Variants in ANKFN1 observed in about 807,000 individuals in gnomAD.
The protein encoded by ANKFN1 is ankyrin repeat and fibronectin type III domain containing 1, also known as ankyrin repeat and fibronectin type-III domain-containing protein 1.
In ANKFN1, 74 loss-of-function variants were observed where a neutral mutation model predicts 108.7. The ratio of observed to expected loss-of-function variants is 0.68; its 90% CI spans 0.56 to 0.83. ANKFN1 has a LOEUF of 0.83. Among genes scored for constraint, ANKFN1 ranks in the 40% least tolerant of loss-of-function variants. ANKFN1 has a pLI of 0.00. For synonymous variants in ANKFN1, 547 were observed against 516.2 expected, an observed-to-expected ratio of 1.06 and a Z score of -0.81; for missense variants, 1,505 against 1,382.3, an observed-to-expected ratio of 1.09 and a Z score of -1.41.
chr17:56,069,541 T>G (rs1386321361), intron 4 of ANKFN1, among the ~76,000 whole-genome samples: 1 of 152,176 alleles, frequency 6.6e-6, no homozygotes, highest in Non-Finnish European at 1.5e-5. Flanking sequence ...GTTTGCTCCC[T>G]CTACTAGGTC....
rs762333264 is a variant in ANKFN1, at chr17:56,374,687, A to G, written c.883A>G (p.Asn295Asp). 9.3e-6 allele frequency: 15 copies of G among 1,613,734 alleles called. No individual in the cohort carries two copies. The Admixed American group carries it at 2.0e-4, about 22-fold the overall frequency. ...CAGCTTCCAAGAGCCTCTTAGCGTC[A>G]ATGCAGCTGTAGTAACCAGGTATAA... is the stretch of plus-strand genomic sequence containing the variant. ...TVSFQEPLSVNAAVVTRYKVE... is the reference protein window; with the variant it reads ...TVSFQEPLSVDAAVVTRYKVE... Residue 295 changes from asparagine (N) to aspartate (D), a missense_variant, in exon 8 of 21, where the codon AAT becomes GAT. Coordinates refer to ENST00000682825, the MANE Select transcript of ANKFN1 (RefSeq NM_001370326.1).
At chr17:56,130,217 C>T (rs1281232378) in intron 4 of ANKFN1, among the ~76,000 whole-genome samples, 1 of 152,210 alleles carries the variant, frequency 6.6e-6, no homozygotes, top group African/African-American at 2.4e-5. Context: ...TCGTGTCTTG[C>T]TCAGGAGGCA....
upstream of ANKFN1, among the ~76,000 whole-genome samples, chr17:56,149,999 T>C (rs1908500876): frequency 6.6e-6 from 1 of 152,242 alleles, no homozygotes; most frequent in Admixed American, 6.5e-5. Flanking sequence ...TTCTATCAGT[T>C]CACTGGATCA....
chr17:56,059,238 A>C (rs189276896), intron 4 of ANKFN1, among the ~76,000 whole-genome samples: 126 of 152,162 alleles, frequency 8.3e-4, no homozygotes, highest in African/African-American at 2.9e-3. Context: ...GTCTTCTTTG[A>C]GAAGTCTCTG....
chr17:56,226,922 C>T (rs16956919), intron 2 of ANKFN1, among the ~76,000 whole-genome samples: 2,598 of 152,176 alleles, frequency 0.017, 70 homozygotes, highest in African/African-American at 0.059. Flanking sequence ...TTCTATCAAT[C>T]TCAGAGCATT....
intron 18 of ANKFN1, among the ~76,000 whole-genome samples, chr17:56,483,360 G>A (rs2050770879): frequency 6.6e-6 from 1 of 152,182 alleles, no homozygotes; most frequent in Non-Finnish European, 1.5e-5. Flanking sequence ...GTGGGTGGGT[G>A]GAATGGAGGC....
chr17:56,463,027 C>A (rs1292062438), intron 14 of ANKFN1, among the ~76,000 whole-genome samples: 1 of 152,194 alleles, frequency 6.6e-6, no homozygotes, highest in Non-Finnish European at 1.5e-5. Flanking sequence ...CAGTGCATAT[C>A]AAGCACTGTG....
chr17:56,057,784 C>A (rs76934195), intron 4 of ANKFN1, among the ~76,000 whole-genome samples: 1 of 149,552 alleles, frequency 6.7e-6, no homozygotes, highest in South Asian at 2.1e-4. Context: ...AACTCTGTCT[C>A]AAAAAAAAAA....
At chr17:56,120,164 A>G (rs1483317388) in intron 4 of ANKFN1, among the ~76,000 whole-genome samples, 1 of 152,114 alleles carries the variant, frequency 6.6e-6, no homozygotes, top group African/African-American at 2.4e-5. Context: ...CATATTTTTA[A>G]TCATCTACTC....
At position 56,515,393 on chromosome 17, in the gene ANKFN1, C is replaced by T. The variant is rs1222560982; in HGVS notation, c.*4124C>T. ...TATTTTTCCAGATGATTTAATGAAG[C>T]AAACCTGGACTTTTTTCTTCAAGGT... On this transcript the variant is annotated 3_prime_UTR_variant, in exon 21 of 21. Coordinates refer to ENST00000682825, the MANE Select transcript of ANKFN1 (RefSeq NM_001370326.1). Among the ~76,000 whole-genome samples, 1 of 152,136 alleles carries T rather than the reference C, an allele frequency of 6.6e-6. No homozygotes were observed. Among genetic ancestry groups the T allele is most frequent in the Non-Finnish European group, 1.5e-5 (1 of 68,016 alleles).
At chr17:56,321,461 GAA>G (rs34327424) in intron 3 of ANKFN1, among the ~76,000 whole-genome samples, 20 of 99,052 alleles carry the variant, frequency 2.0e-4, no homozygotes, top group African/African-American at 6.0e-4. Flanking sequence ...CACTCCCTAA[GAA>G]AAAAAAAAAA....
intron 4 of ANKFN1, among the ~76,000 whole-genome samples, chr17:56,125,030 T>C (rs1906840437): frequency 6.6e-6 from 1 of 152,226 alleles, no homozygotes; most frequent in South Asian, 2.1e-4. Context: ...TTCCCATCTT[T>C]AAATGCATAA....
At chr17:56,194,279 T>C (rs182952880) in intron 1 of ANKFN1, among the ~76,000 whole-genome samples, 1 of 152,180 alleles carries the variant, frequency 6.6e-6, no homozygotes, top group African/African-American at 2.4e-5. Flanking sequence ...TCCTAAGGAG[T>C]TGGAAACTTA....
intron 4 of ANKFN1, among the ~76,000 whole-genome samples, chr17:56,122,687 G>A (rs1247425861): frequency 6.6e-6 from 1 of 152,120 alleles, no homozygotes; most frequent in East Asian, 1.9e-4. Context: ...AGGCCCTCTG[G>A]CCATCAGAAA....
chr17:56,245,174 T>C (rs1917867172), intron 3 of ANKFN1, among the ~76,000 whole-genome samples: 1 of 152,160 alleles, frequency 6.6e-6, no homozygotes, highest in Admixed American at 6.6e-5. Context: ...ATGTGAGAAA[T>C]GTTATATGCC....
intron 8 of ANKFN1, among the ~76,000 whole-genome samples, chr17:56,401,571 T>C (rs1306959483): frequency 1.3e-5 from 2 of 152,092 alleles, no homozygotes; most frequent in Non-Finnish European, 2.9e-5. Context: ...TTATCAGTTC[T>C]AGGAGCTTTC....
chr17:56,452,894 G>A (rs2049541435), intron 11 of ANKFN1, among the ~76,000 whole-genome samples: 1 of 152,134 alleles, frequency 6.6e-6, no homozygotes, highest in Non-Finnish European at 1.5e-5. Context: ...GTGTGACCTT[G>A]AGCAAACTGC....
chr17:56,264,501 A>G lies in ANKFN1; in HGVS notation c.53+36544A>G, dbSNP rs1292089141. Among the ~76,000 whole-genome samples, 3 of 152,108 alleles carry G rather than the reference A, an allele frequency of 2.0e-5. No individual in the cohort carries two copies. The South Asian group carries it at 6.2e-4, about 32-fold the overall frequency. On this transcript the variant is annotated intron_variant, in intron 3 of 20. Transcript: ENST00000682825. ...AGGAAATTTCAAGTTTGCAGTCTACATACACTCTCTTTCCCTCCTTTTCTA... is the reference window on the plus strand; with the variant it reads ...AGGAAATTTCAAGTTTGCAGTCTACGTACACTCTCTTTCCCTCCTTTTCTA...
At chr17:56,095,397 T>C (rs1230174270) in intron 4 of ANKFN1, among the ~76,000 whole-genome samples, 1 of 150,612 alleles carries the variant, frequency 6.6e-6, no homozygotes, top group African/African-American at 2.4e-5. Flanking sequence ...GCTCAATCAA[T>C]CCTCCTACCT....
Sources: gnomAD v4.1 joint callset for allele counts (sites outside exome capture counted in the v4.1 genomes callset) on GRCh38, gnomAD v4.1.1 for gene constraint, MANE v1.5 for transcripts, NCBI Gene and HGNC (gene_info 2026-07-23, HGNC 2026-07-21) for gene names.